The following GPR55 variants were observed in gnomAD, a reference collection of about 807,000 sequenced individuals.
The protein encoded by GPR55 is G protein-coupled receptor 55, also known as G-protein coupled receptor 55.
GPR55 carries 6 observed loss-of-function variants against 7.9 expected under a neutral mutation model. That is an observed-to-expected ratio of 0.76 (90% CI 0.41 to 1.49). The LOEUF (loss-of-function observed/expected upper bound fraction) is 1.49, where lower values mean the gene tolerates loss of function less well. Among genes scored for constraint, GPR55 ranks in the 40% most tolerant of loss-of-function variants. The pLI, the probability that GPR55 is intolerant of heterozygous loss-of-function variation, is 0.01. For missense variants in GPR55, 376 were observed against 406.0 expected (o/e 0.93, Z 0.63); for synonymous variants, 183 against 166.8 (o/e 1.10, Z -0.75).
Position 230,910,033 on chromosome 2 carries a change from G to A in GPR55, c.930C>T (p.Val310=), listed in dbSNP as rs757025372. ...CCCGGGAGATCGTGGTGTCCTGCAG[G>A]ACCAGCTGGACCCTGGAAGGCCGGT... ...RAHRPSRVQL[V]LQDTTISRG Residue 310 remains valine (V), a synonymous_variant, in exon 2 of 2, where the codon GTC becomes GTT. Transcript: ENST00000650999. The surrounding 1 kb of genome is among the most constrained non-coding windows in gnomAD (Gnocchi z 5.4). The A allele has an allele frequency of 1.2e-6, 2 of 1,613,960 alleles. No individual in the cohort carries two copies. Among genetic ancestry groups the A allele is most frequent in the Non-Finnish European group, 1.7e-6 (2 of 1,179,926 alleles).
intron 1 of GPR55, among the ~76,000 whole-genome samples, chr2:230,940,577 C>T (rs776927116): frequency 7.9e-5 from 12 of 152,214 alleles, no homozygotes; most frequent in Non-Finnish European, 1.8e-4. Flanking sequence ...CACACTGTGC[C>T]TCCTTAGAGT....
At position 230,910,142 on chromosome 2, in the gene GPR55, A is replaced by C; in HGVS notation, c.821T>G (p.Met274Arg). The C allele has an allele frequency of 6.2e-7, 1 of 1,614,186 alleles. No individual in the cohort carries two copies. The highest frequency in any genetic ancestry group is 1.1e-5 in the South Asian group (1 of 91,080). The change falls in exon 2 of 2, where the codon ATG (methionine) becomes AGG (arginine). Residue 274 changes from methionine (M) to arginine (R), a missense_variant. Met to Arg is a moderately conservative substitution (Grantham distance 91, BLOSUM62 -1). Coordinates refer to ENST00000650999, the MANE Select transcript of GPR55 (RefSeq NM_005683.4). The surrounding 1 kb of genome is among the most constrained non-coding windows in gnomAD (Gnocchi z 5.4). ...GCAGCAGTTGACGTTGGAGAAACACATGGACAATTGCAAGAAGAAGCTGAT... is the reference window on the plus strand; with the variant it reads ...GCAGCAGTTGACGTTGGAGAAACACCTGGACAATTGCAAGAAGAAGCTGAT... ...QSISFFLQLS[M>R]CFSNVNCCLD...
intron 1 of GPR55, among the ~76,000 whole-genome samples, chr2:230,951,282 G>A (rs965310456): frequency 3.3e-5 from 5 of 152,080 alleles, no homozygotes; most frequent in African/African-American, 4.8e-5. Context: ...TGCTGTCCGC[G>A]GCTTAGTGGG....
At chr2:230,938,565 G>A (rs1431615901) in intron 1 of GPR55, among the ~76,000 whole-genome samples, 2 of 152,232 alleles carry the variant, frequency 1.3e-5, no homozygotes. Context: ...GGGGCAGTTT[G>A]ACTGGGGCTG....
At chr2:230,925,531 A>G (rs1426265613), upstream of GPR55, among the ~76,000 whole-genome samples, 2 of 152,166 alleles carry the variant, frequency 1.3e-5, no homozygotes, top group East Asian at 1.9e-4. Flanking sequence ...GCATGTGTCA[A>G]GCCCTGGGAA....
intron 1 of GPR55, among the ~76,000 whole-genome samples, chr2:230,943,467 T>G (rs1369857850): frequency 6.6e-6 from 1 of 152,194 alleles, no homozygotes; most frequent in African/African-American, 2.4e-5. Context: ...GGAGCAGCAG[T>G]GCCCATGTTT....
chr2:230,916,716 A>G (rs1434277016), intron 1 of GPR55, among the ~76,000 whole-genome samples: 1 of 152,044 alleles, frequency 6.6e-6, no homozygotes, highest in Non-Finnish European at 1.5e-5. Context: ...TTTTACTTCA[A>G]TAATTACAGA....
chr2:230,956,752 T>C (rs1691488376), intron 1 of GPR55, among the ~76,000 whole-genome samples: 1 of 152,238 alleles, frequency 6.6e-6, no homozygotes, highest in Non-Finnish European at 1.5e-5. Flanking sequence ...TTATCTTGCA[T>C]TTAATCAGGG....
chr2:230,935,845 T>C (rs1188625195), intron 1 of GPR55, among the ~76,000 whole-genome samples: 2 of 152,208 alleles, frequency 1.3e-5, no homozygotes, highest in East Asian at 3.8e-4. Flanking sequence ...AAAACCAAAA[T>C]CTGAAGTGCT....
intron 1 of GPR55, among the ~76,000 whole-genome samples, chr2:230,938,146 CAAAAAAAAAAAAAAAAA>C (rs59307128): frequency 1.0e-4 from 2 of 19,886 alleles, no homozygotes; most frequent in African/African-American, 2.4e-4. Context: ...GACCCTGTCT[CAAAAAAAAAAAAAAAAA>C]AAAAAAAAAA....
At chr2:230,931,213 C>G (rs1691032805) in intron 1 of GPR55, among the ~76,000 whole-genome samples, 1 of 152,266 alleles carries the variant, frequency 6.6e-6, no homozygotes, top group African/African-American at 2.4e-5. Context: ...GTCCTCCCGA[C>G]TCTTCAAGGA....
At chr2:230,954,951 A>G (rs1691457660) in intron 1 of GPR55, among the ~76,000 whole-genome samples, 1 of 152,228 alleles carries the variant, frequency 6.6e-6, no homozygotes. Flanking sequence ...TCCTTAATAT[A>G]GTCTTCTAAG....
chr2:230,960,016 A>C (rs1691544976), intron 1 of GPR55, among the ~76,000 whole-genome samples: 1 of 152,228 alleles, frequency 6.6e-6, no homozygotes, highest in African/African-American at 2.4e-5. Context: ...TGGATCATAG[A>C]GTAGACCCAC....
At chr2:230,915,881 G>A (rs1317701384) in intron 1 of GPR55, among the ~76,000 whole-genome samples, 1 of 151,764 alleles carries the variant, frequency 6.6e-6, no homozygotes, top group Non-Finnish European at 1.5e-5. Flanking sequence ...AGTCTCAGGT[G>A]GATGTGGCCT....
chr2:230,932,522 T>C (rs781211025), intron 1 of GPR55, among the ~76,000 whole-genome samples: 23 of 152,238 alleles, frequency 1.5e-4, no homozygotes, highest in Non-Finnish European at 5.9e-5. Context: ...TAGTTGGATC[T>C]ACACCTCTTC....
intron 1 of GPR55, among the ~76,000 whole-genome samples, chr2:230,936,013 A>G (rs986949513): frequency 6.6e-6 from 1 of 152,218 alleles, no homozygotes; most frequent in Non-Finnish European, 1.5e-5. Flanking sequence ...TTTGTAGGAA[A>G]TAACATGCAG....
At chr2:230,928,901 A>T (rs150099599), upstream of GPR55, among the ~76,000 whole-genome samples, 1 of 152,320 alleles carries the variant, frequency 6.6e-6, no homozygotes, top group East Asian at 1.9e-4. Flanking sequence ...GTTGAGCTCC[A>T]AGAGCTGGGC....
chr2:230,932,983 G>GAGA (rs1318388665), intron 1 of GPR55, among the ~76,000 whole-genome samples: 7 of 152,206 alleles, frequency 4.6e-5, no homozygotes, highest in Admixed American at 3.9e-4. Context: ...CAGAGCCCCA[G>GAGA]GATCGTGCTC....
At chr2:230,958,632 A>C (rs1467128450) in intron 1 of GPR55, among the ~76,000 whole-genome samples, 2 of 152,156 alleles carry the variant, frequency 1.3e-5, no homozygotes, top group Non-Finnish European at 2.9e-5. Context: ...TTCCATTTTT[A>C]GATCCTACAA....
Sources: gnomAD v4.1 joint callset for allele counts (sites outside exome capture counted in the v4.1 genomes callset) on GRCh38, gnomAD v4.1.1 for gene constraint, Gnocchi (gnomAD v3.1) non-coding constraint, MANE v1.5 for transcripts, NCBI Gene and HGNC (gene_info 2026-07-23, HGNC 2026-07-21) for gene names.